ZYG11B: variants seen among roughly 807,000 people sequenced by gnomAD.
The protein encoded by ZYG11B is zyg-11 family member B, cell cycle regulator, also known as protein zyg-11 homolog B.
In ZYG11B, 36 loss-of-function variants were observed where a neutral mutation model predicts 82.4. The ratio of observed to expected loss-of-function variants is 0.44; its 90% CI spans 0.33 to 0.58. The LOEUF (loss-of-function observed/expected upper bound fraction) is 0.58. Ranked by LOEUF, ZYG11B falls within the 20% of genes least tolerant of loss-of-function variation. ZYG11B has a pLI of 0.02. For synonymous variants in ZYG11B, 303 were observed against 312.8 expected, an observed-to-expected ratio of 0.97 and a Z score of 0.33; for missense variants, 552 against 895.6, an observed-to-expected ratio of 0.62 and a Z score of 4.90.
intron 1 of ZYG11B, among the ~76,000 whole-genome samples, chr1:52,735,117 G>A (rs1345101219): frequency 1.3e-5 from 2 of 148,780 alleles, no homozygotes; most frequent in Admixed American, 6.8e-5. Flanking sequence ...CGCAGCCTCC[G>A]CCTCCCAGGT....
chr1:52,757,360 T>C (rs1441204072), intron 2 of ZYG11B, among the ~76,000 whole-genome samples: 2 of 151,954 alleles, frequency 1.3e-5, no homozygotes, highest in African/African-American at 4.8e-5. Flanking sequence ...TTGTATCCAT[T>C]TGGAGGTTTG....
Position 52,803,095 on chromosome 1 carries a change from T to C in ZYG11B, c.1695+956T>C, listed in dbSNP as rs1207437267. Among the ~76,000 whole-genome samples the C allele has an allele frequency of 3.5e-4, 18 of 51,044 alleles. 2 individuals carry two copies. Among genetic ancestry groups the C allele is most frequent in the African/African-American group, 2.3e-3 (18 of 7,734 alleles). The allele number at this position is 51,044 out of a possible 152,430, so 33.5% of individuals were successfully genotyped here. A position where few individuals can be genotyped will look rare whatever the true frequency, so the allele number is the denominator to read the frequency against. On this transcript the variant is annotated intron_variant, in intron 10 of 13. Transcript: ENST00000294353. ...ATATATATATATATACACATATATA[T>C]ATACATATATATATATATATATACA...
intron 12 of ZYG11B, 32 bp from the exon 13 acceptor site, chr1:52,816,500 G>GT: frequency 6.8e-7 from 1 of 1,468,462 alleles, no homozygotes; most frequent in South Asian, 1.2e-5. Context: ...AATATGGGAT[G>GT]TAACTTTGAT....
At chr1:52,749,026 C>T (rs970495271) in intron 1 of ZYG11B, among the ~76,000 whole-genome samples, 2 of 151,676 alleles carry the variant, frequency 1.3e-5, no homozygotes, top group African/African-American at 4.8e-5. Context: ...CATGATGAAA[C>T]CCCGTTTCTA....
In ZYG11B at chr1:52,796,977, A is replaced by T. The variant is rs1455169488; in HGVS notation, c.1485+193A>T. ...TTATATATTATATATAATATATATA[A>T]ATATATATATTTTTTATATAAATAT... On this transcript the variant is annotated intron_variant, in intron 8 of 13. Transcript: ENST00000294353. 4.4e-4 allele frequency among the ~76,000 whole-genome samples: 28 copies of T among 63,760 alleles called. 2 individuals carry two copies. In the East Asian group the frequency reaches 5.7e-3, roughly 13 times the overall value. 41.8% of individuals were successfully genotyped at this position (63,760 alleles called of 152,430 possible). A position where few individuals can be genotyped will look rare whatever the true frequency, so the allele number is the denominator to read the frequency against.
intron 1 of ZYG11B, among the ~76,000 whole-genome samples, chr1:52,733,396 C>T (rs1338955958): frequency 3.9e-5 from 6 of 152,070 alleles, no homozygotes; most frequent in East Asian, 1.9e-4. Context: ...CATGGTGGCT[C>T]ACGCCTGTAA....
At chr1:52,746,349 A>G (rs576534542) in intron 1 of ZYG11B, among the ~76,000 whole-genome samples, 1 of 152,314 alleles carries the variant, frequency 6.6e-6, no homozygotes, top group South Asian at 2.1e-4. Context: ...TCATTTTGAA[A>G]TAACTCAGTC....
At chr1:52,768,626 G>A (rs1571763513) in intron 2 of ZYG11B, among the ~76,000 whole-genome samples, 1 of 117,066 alleles carries the variant, frequency 8.5e-6, no homozygotes, top group Non-Finnish European at 1.7e-5. Context: ...ATGGAGTCTT[G>A]CTCTGACGCC....
intron 4 of ZYG11B, among the ~76,000 whole-genome samples, chr1:52,784,002 AG>A: frequency 6.6e-6 from 1 of 151,752 alleles, no homozygotes; most frequent in Non-Finnish European, 1.5e-5. Context: ...ATATATAGAG[AG>A]AGAGAGAGAT....
intron 10 of ZYG11B, among the ~76,000 whole-genome samples, chr1:52,811,079 A>G (rs1287867637): frequency 6.6e-6 from 1 of 150,836 alleles, no homozygotes; most frequent in Non-Finnish European, 1.5e-5. Context: ...ATATTTACTC[A>G]CATTTCTCAT....
intron 6 of ZYG11B, among the ~76,000 whole-genome samples, chr1:52,791,746 G>T (rs1489208269): frequency 1.3e-5 from 2 of 152,166 alleles, no homozygotes; most frequent in East Asian, 3.8e-4. Context: ...AAGGAAAGAG[G>T]TGTTCCATTT....
intron 1 of ZYG11B, among the ~76,000 whole-genome samples, chr1:52,752,128 A>G (rs11803531): frequency 2.0e-5 from 3 of 152,146 alleles, no homozygotes; most frequent in African/African-American, 7.2e-5. Flanking sequence ...CAATTCAGGT[A>G]GTAGGTCTCT....
At position 52,821,511 on chromosome 1, in the gene ZYG11B, A is replaced by G; in HGVS notation, c.2117A>G (p.His706Arg). Residue 706 changes from histidine (H) to arginine (R), a missense_variant, in exon 14 of 14, where the codon CAT becomes CGT. Physicochemically the swap from His to Arg is conservative, Grantham distance 29. Around this residue, in one of 3 missense-constraint regions of ZYG11B, gnomAD observed 127 missense variants for 163.4 expected, o/e 0.78. Coordinates refer to ENST00000294353, the MANE Select transcript of ZYG11B (RefSeq NM_024646.3). ...QHLYNIKDHEHTDPHVQQIAV... is the reference protein window; with the variant it reads ...QHLYNIKDHERTDPHVQQIAV... The stretch of plus-strand genomic sequence containing the variant: ...TTATACAACATCAAAGATCATGAAC[A>G]TACTGATCCCCATGTCCAACAGATT... The G allele has an allele frequency of 2.5e-6, 4 of 1,614,158 alleles. No homozygotes were observed. The highest frequency in any genetic ancestry group is 3.4e-6 in the Non-Finnish European group (4 of 1,180,010).
intron 2 of ZYG11B, among the ~76,000 whole-genome samples, chr1:52,770,799 G>A (rs924300056): frequency 1.3e-5 from 2 of 152,158 alleles, no homozygotes; most frequent in African/African-American, 4.8e-5. Context: ...CCACAGTCCT[G>A]ATTCTGCCAC....
chr1:52,738,406 C>T (rs1225420292), intron 1 of ZYG11B, among the ~76,000 whole-genome samples: 2 of 151,898 alleles, frequency 1.3e-5, no homozygotes, highest in Non-Finnish European at 2.9e-5. Context: ...GTCTCCAACT[C>T]CTAAGCTCAA....
chr1:52,785,409 G>A (rs1223787922), intron 5 of ZYG11B, among the ~76,000 whole-genome samples: 1 of 152,098 alleles, frequency 6.6e-6, no homozygotes, highest in African/African-American at 2.4e-5. Flanking sequence ...TAGCAGTATG[G>A]TAGAAGATGT....
chr1:52,792,221 T>G (rs1348813308), intron 6 of ZYG11B, among the ~76,000 whole-genome samples: 1 of 152,112 alleles, frequency 6.6e-6, no homozygotes, highest in Non-Finnish European at 1.5e-5. Flanking sequence ...GTGGATTGAT[T>G]GATGGATGAA....
Position 52,771,478 on chromosome 1 carries a change from T to C in ZYG11B, c.655T>C (p.Leu219=), listed in dbSNP as rs1558128158. The C allele has an allele frequency of 3.1e-6, 5 of 1,613,494 alleles. No homozygotes were observed. Among genetic ancestry groups the C allele is most frequent in the South Asian group, 2.2e-5 (2 of 91,078 alleles). The change falls in exon 3 of 14, where the codon TTG becomes CTG. Residue 219 remains leucine, a synonymous_variant. Transcript: ENST00000294353. This position sits in a 1 kb window ranked among gnomAD's most constrained non-coding sequence, Gnocchi z 5.4. ...ACTCAAGTCTCTAACCATGCACCAC[T>C]TGAAATGTTTAAAAATGACAACTAC... ...DRLKSLTMHH[L]KCLKMTTTQI...
chr1:52,761,662 C>G (rs753613283), intron 2 of ZYG11B, among the ~76,000 whole-genome samples: 8 of 152,166 alleles, frequency 5.3e-5, no homozygotes, highest in Non-Finnish European at 1.0e-4. Flanking sequence ...ACAGATGTCT[C>G]TTTGATAATT....
Sources: gnomAD v4.1 joint callset for allele counts (sites outside exome capture counted in the v4.1 genomes callset) on GRCh38, gnomAD v4.1.1 for gene constraint, gnomAD v4.1.1 regional missense constraint, Gnocchi (gnomAD v3.1) non-coding constraint, MANE v1.5 for transcripts, NCBI Gene and HGNC (gene_info 2026-07-23, HGNC 2026-07-21) for gene names.